KIF3B: variants seen among roughly 807,000 people sequenced by gnomAD.
The protein encoded by KIF3B is kinesin family member 3B.
Under a neutral mutation model 74.3 loss-of-function variants are expected in KIF3B, and 38 were observed. The ratio of observed to expected loss-of-function variants is 0.51; its 90% CI spans 0.39 to 0.67. KIF3B has a LOEUF of 0.67. KIF3B is among the 30% of genes least tolerant of loss of function. KIF3B has a pLI of 0.00. For synonymous variants in KIF3B, 326 were observed against 342.5 expected, an observed-to-expected ratio of 0.95 and a Z score of 0.53; for missense variants, 649 against 932.0, an observed-to-expected ratio of 0.70 and a Z score of 3.95.
At chr20:32,292,595 A>G (rs2047697686) in intron 1 of KIF3B, among the ~76,000 whole-genome samples, 1 of 150,528 alleles carries the variant, frequency 6.6e-6, no homozygotes, top group South Asian at 2.1e-4. Flanking sequence ...AAAAAAAAAA[A>G]AAAAAAAAAA....
intron 7 of KIF3B, among the ~76,000 whole-genome samples, chr20:32,328,567 C>T (rs895395678): frequency 4.6e-5 from 7 of 151,496 alleles, no homozygotes; most frequent in East Asian, 1.9e-4. Flanking sequence ...GAGCCAAGAT[C>T]GTGCCACTGC....
intron 2 of KIF3B, among the ~76,000 whole-genome samples, chr20:32,313,960 A>C (rs2047814304): frequency 6.6e-6 from 1 of 152,208 alleles, no homozygotes; most frequent in South Asian, 2.1e-4. Flanking sequence ...CTTCCACCTT[A>C]GTCTCCCAAA....
chr20:32,305,014 G>C (rs1238305012), intron 1 of KIF3B, among the ~76,000 whole-genome samples: 1 of 152,028 alleles, frequency 6.6e-6, no homozygotes, highest in Non-Finnish European at 1.5e-5. Flanking sequence ...CGGGCATGGT[G>C]GTGGGTGCCT....
intron 1 of KIF3B, among the ~76,000 whole-genome samples, chr20:32,295,710 T>G (rs1054718274): frequency 5.9e-5 from 9 of 152,270 alleles, no homozygotes; most frequent in Admixed American, 4.6e-4. Flanking sequence ...TTGCTACATT[T>G]ACCTTAGAAA....
intron 8 of KIF3B, among the ~76,000 whole-genome samples, 196 bp from the exon 9 acceptor site, chr20:32,331,027 C>T (rs2047927213): frequency 6.6e-6 from 1 of 152,182 alleles, no homozygotes; most frequent in African/African-American, 2.4e-5. Flanking sequence ...CTCCTTCTCT[C>T]AGGTTCCACA....
At chr20:32,312,542 T>A (rs1364828072) in intron 2 of KIF3B, among the ~76,000 whole-genome samples, 1 of 152,242 alleles carries the variant, frequency 6.6e-6, no homozygotes, top group Non-Finnish European at 1.5e-5. Context: ...AAACATGGTT[T>A]CGTTTTCATA....
At chr20:32,280,514 A>G (rs761363593) in intron 1 of KIF3B, among the ~76,000 whole-genome samples, 3 of 151,372 alleles carry the variant, frequency 2.0e-5, no homozygotes, top group Non-Finnish European at 2.9e-5. Context: ...GGAGATCGAG[A>G]CCATCCTGGC....
chr20:32,323,559 C>A (rs752229039), intron 5 of KIF3B, among the ~76,000 whole-genome samples: 1 of 151,892 alleles, frequency 6.6e-6, no homozygotes, highest in Non-Finnish European at 1.5e-5. Flanking sequence ...TGAGCCACCA[C>A]GCCCAGCCAA....
intron 1 of KIF3B, among the ~76,000 whole-genome samples, chr20:32,288,946 GA>G (rs1378736424): frequency 6.6e-6 from 1 of 152,104 alleles, no homozygotes; most frequent in Non-Finnish European, 1.5e-5. Context: ...ATCAACTTTG[GA>G]AACTGTTTAC....
chr20:32,317,471 A>G (rs1469787605), intron 5 of KIF3B, among the ~76,000 whole-genome samples: 1 of 152,150 alleles, frequency 6.6e-6, no homozygotes, highest in Admixed American at 6.6e-5. Context: ...TTGACTTTTT[A>G]TTGTGACAAT....
rs1373916520 is a variant in KIF3B, at chr20:32,301,060, TC to T, written c.-65-8651del. Among the ~76,000 whole-genome samples the T allele has an allele frequency of 2.7e-5, 4 of 149,900 alleles. No individual in the cohort carries two copies. The East Asian group carries it at 8.0e-4, about 30-fold the overall frequency. On this transcript the variant is annotated intron_variant, in intron 1 of 8. Transcript: ENST00000375712. ...AAATTTTTGGTGGAGATGGAGGTCT[TC>T]CTATGTTGCCCACGCTTCATGGTCT... is the stretch of plus-strand genomic sequence containing the variant.
intron 5 of KIF3B, among the ~76,000 whole-genome samples, chr20:32,325,074 C>T (rs2047895983): frequency 6.6e-6 from 1 of 152,098 alleles, no homozygotes; most frequent in South Asian, 2.1e-4. Flanking sequence ...TCGGTCAGTC[C>T]TCTTTGCAGG....
At chr20:32,305,411 G>T (rs1267033752) in intron 1 of KIF3B, among the ~76,000 whole-genome samples, 1 of 151,748 alleles carries the variant, frequency 6.6e-6, no homozygotes, top group East Asian at 1.9e-4. Flanking sequence ...AGGAGTTTGG[G>T]GTCCTCATAT....
chr20:32,328,560 C>T (rs2047915340), intron 7 of KIF3B, among the ~76,000 whole-genome samples: 2 of 151,836 alleles, frequency 1.3e-5, no homozygotes, highest in South Asian at 4.2e-4. Flanking sequence ...TTGCAGTGAG[C>T]CAAGATCGTG....
rs781626916 is a variant in KIF3B at position 32,309,976 on chromosome 20, G to A, written c.199G>A (p.Ala67Thr). Residue 67 changes from alanine (A) to threonine (T), a missense_variant, in exon 2 of 9, where the codon GCC becomes ACC. Ala to Thr is a moderately conservative substitution (Grantham distance 58). This residue lies in a region of KIF3B where 96 missense variants were observed against 119.0 expected (regional missense o/e 0.81). Coordinates refer to ENST00000375712, the MANE Select transcript of KIF3B (RefSeq NM_004798.4). ...FTFDAVYDWN[A>T]KQFELYDETF... ...CTTTGATGCCGTCTATGACTGGAAT[G>A]CCAAGCAGTTTGAACTGTACGATGA... is the stretch of plus-strand genomic sequence containing the variant. 9.3e-6 allele frequency: 15 copies of A among 1,614,076 alleles called. No individual in the cohort carries two copies. Among genetic ancestry groups the A allele is most frequent in the Admixed American group, 1.7e-5 (1 of 60,002 alleles).
At chr20:32,294,267 A>G (rs1444874965) in intron 1 of KIF3B, among the ~76,000 whole-genome samples, 2 of 152,160 alleles carry the variant, frequency 1.3e-5, no homozygotes, top group South Asian at 2.1e-4. Flanking sequence ...TGTGTCATCA[A>G]ATGACAGAGA....
intron 1 of KIF3B, among the ~76,000 whole-genome samples, chr20:32,295,375 C>T (rs1600420591): frequency 1.3e-5 from 2 of 152,084 alleles, no homozygotes; most frequent in South Asian, 2.1e-4. Flanking sequence ...TCACTGCAAG[C>T]TCCGCCTCCC....
intron 1 of KIF3B, among the ~76,000 whole-genome samples, chr20:32,288,032 A>G (rs2047675228): frequency 3.3e-5 from 5 of 151,658 alleles, no homozygotes; most frequent in African/African-American, 1.2e-4. Context: ...ACAGGTGCAC[A>G]CCACCACGCC....
intron 1 of KIF3B, among the ~76,000 whole-genome samples, chr20:32,280,268 G>A (rs576700303): frequency 5.3e-5 from 8 of 152,118 alleles, no homozygotes; most frequent in African/African-American, 1.7e-4. Flanking sequence ...GTTGGTGAAA[G>A]AATAAATTAA....
Sources: gnomAD v4.1 joint callset for allele counts (sites outside exome capture counted in the v4.1 genomes callset) on GRCh38, gnomAD v4.1.1 for gene constraint, gnomAD v4.1.1 regional missense constraint, MANE v1.5 for transcripts, NCBI Gene and HGNC (gene_info 2026-07-23, HGNC 2026-07-21) for gene names.